Variants in TCAIM observed in about 807,000 individuals in gnomAD.
TCAIM encodes T cell activation inhibitor, mitochondrial, also known as T-cell activation inhibitor, mitochondrial.
In TCAIM, 36 loss-of-function variants were observed where a neutral mutation model predicts 58.6. The ratio of observed to expected loss-of-function variants is 0.61; its 90% CI spans 0.47 to 0.81. The LOEUF is 0.81. Ranked by LOEUF, TCAIM falls within the 30% of genes least tolerant of loss-of-function variation. The pLI is 0.00. For missense variants in TCAIM, 466 were observed against 579.6 expected (o/e 0.80, Z 2.01); for synonymous variants, 172 against 193.6 (o/e 0.89, Z 0.93).
intron 8 of TCAIM, 127 bp from the exon 9 acceptor site, chr3:44,400,228 T>A: frequency 1.4e-6 from 1 of 732,038 alleles, no homozygotes. Flanking sequence ...ATCTCTTACT[T>A]GAACTTTCCT....
At chr3:44,365,755 G>T (rs551205485) in intron 4 of TCAIM, among the ~76,000 whole-genome samples, 2 of 152,220 alleles carry the variant, frequency 1.3e-5, no homozygotes, top group African/African-American at 4.8e-5. Context: ...CCCTAGCCCC[G>T]CGTGCTTATT....
At chr3:44,350,264 GAGA>G (rs886465717) in intron 1 of TCAIM, among the ~76,000 whole-genome samples, 11 of 152,248 alleles carry the variant, frequency 7.2e-5, no homozygotes, top group African/African-American at 2.2e-4. Flanking sequence ...TCTGAGCCAG[GAGA>G]AGAAGTTTCA....
intron 10 of TCAIM, among the ~76,000 whole-genome samples, chr3:44,405,252 C>G (rs1444142348): frequency 2.0e-5 from 3 of 152,182 alleles, no homozygotes; most frequent in South Asian, 2.1e-4. Flanking sequence ...GTAACCCACT[C>G]AGATGTTTCC....
chr3:44,357,912 A>C (rs1381733693), intron 3 of TCAIM, 36 bp downstream of exon 3: 12 of 1,601,148 alleles, frequency 7.5e-6, no homozygotes, highest in Non-Finnish European at 9.4e-6. Flanking sequence ...ATTAGTGTAC[A>C]TTTCTGCTTA....
intron 5 of TCAIM, among the ~76,000 whole-genome samples, chr3:44,374,406 A>G (rs77610014): frequency 9.4e-4 from 142 of 151,848 alleles, no homozygotes; most frequent in African/African-American, 3.3e-3. Context: ...GTGTGTGTAT[A>G]TGCTGGTTCA....
intron 5 of TCAIM, among the ~76,000 whole-genome samples, chr3:44,377,817 A>G (rs1168149786): frequency 6.6e-6 from 1 of 152,206 alleles, no homozygotes; most frequent in Non-Finnish European, 1.5e-5. Flanking sequence ...TATGTTACCC[A>G]TGAAAATTAA....
intron 5 of TCAIM, among the ~76,000 whole-genome samples, chr3:44,370,771 G>A (rs1701454911): frequency 1.4e-5 from 2 of 139,660 alleles, no homozygotes; most frequent in African/African-American, 5.3e-5. Flanking sequence ...TTTGAGACAG[G>A]GTCTTACTCT....
At chr3:44,403,766 T>G (rs1702057954) in intron 10 of TCAIM, among the ~76,000 whole-genome samples, 1 of 152,194 alleles carries the variant, frequency 6.6e-6, no homozygotes, top group Non-Finnish European at 1.5e-5. Context: ...TCTCACTCCC[T>G]ACCCCAGTCC....
chr3:44,353,675 C>A (rs541904352), intron 1 of TCAIM, among the ~76,000 whole-genome samples: 48 of 152,178 alleles, frequency 3.2e-4, no homozygotes, highest in Non-Finnish European at 5.7e-4. Flanking sequence ...TGTCTGACAA[C>A]ACATGATGTT....
intron 2 of TCAIM, among the ~76,000 whole-genome samples, chr3:44,355,201 T>C (rs1701168336): frequency 6.6e-6 from 1 of 152,110 alleles, no homozygotes; most frequent in Non-Finnish European, 1.5e-5. Flanking sequence ...ATACAATGCC[T>C]CCTGGCGCAT....
At chr3:44,370,754 C>CTT (rs1331295394) in intron 5 of TCAIM, among the ~76,000 whole-genome samples, 921 of 53,552 alleles carry the variant, frequency 0.017, 5 homozygotes, top group African/African-American at 0.029. Flanking sequence ...TTCTTTCTTT[C>CTT]TTTTTTTTTG....
Position 44,361,537 on chromosome 3 carries a change from G to A in TCAIM, c.319+19G>A. The A allele has an allele frequency of 1.3e-6, 2 of 1,573,142 alleles. No homozygotes were observed. The highest frequency in any genetic ancestry group is 8.6e-7 in the Non-Finnish European group (1 of 1,163,496). On this transcript the variant is annotated intron_variant, in intron 4 of 10. Transcript: ENST00000342649. ...ACTTCCGGTACGTTTTTTATTTCTG[G>A]TGTGTCCCTTGCAAGCTTAATGTTA...
chr3:44,393,091 T>G lies in TCAIM; in HGVS notation c.695+114T>G. On this transcript the variant is annotated intron_variant, in intron 6 of 10. Transcript: ENST00000342649. ...TTTAATTGCTCTGATAACTGAGTAC[T>G]CTTCAATTATCTTTATGAACATCAT... 3 of 808,424 alleles carry G rather than the reference T, an allele frequency of 3.7e-6. No homozygotes were observed. The South Asian group carries it at 5.3e-5, about 14-fold the overall frequency. The allele number at this position is 808,424 out of a possible 1,614,324, so 50.1% of individuals were successfully genotyped here.
intron 1 of TCAIM, among the ~76,000 whole-genome samples, chr3:44,354,515 GACAAT>G (rs1002601391): frequency 2.9e-4 from 44 of 152,104 alleles, no homozygotes; most frequent in Non-Finnish European, 1.2e-4. Flanking sequence ...ATGACATCTT[GACAAT>G]ATTGAGTCTT....
intron 2 of TCAIM, among the ~76,000 whole-genome samples, chr3:44,356,108 T>C (rs1701184753): frequency 6.6e-6 from 1 of 152,250 alleles, no homozygotes; most frequent in Non-Finnish European, 1.5e-5. Context: ...CCAGATTGTT[T>C]AAAAATCACC....
chr3:44,383,488 G>A (rs550638586), intron 5 of TCAIM, among the ~76,000 whole-genome samples: 3 of 152,132 alleles, frequency 2.0e-5, no homozygotes, highest in Admixed American at 1.3e-4. Flanking sequence ...GAAGTACAAG[G>A]AGTAGTCAAA....
At position 44,369,271 on chromosome 3, in the gene TCAIM, T is replaced by C. The variant is rs562632604; in HGVS notation, c.572+1563T>C. ...CCGCGGGAGAATATTGTTGTACTTA[T>C]CTTGCGCTGTGTCTAGATGAACAAA... On this transcript the variant is annotated intron_variant, in intron 5 of 10. Coordinates refer to ENST00000342649, the MANE Select transcript of TCAIM (RefSeq NM_173826.4). Among the ~76,000 whole-genome samples, 45 of 152,290 alleles carry C rather than the reference T, an allele frequency of 3.0e-4. No individual in the cohort carries two copies. The Middle Eastern group carries it at 0.014, about 46-fold the overall frequency.
At chr3:44,353,532 A>G (rs1379224717) in intron 1 of TCAIM, among the ~76,000 whole-genome samples, 1 of 152,196 alleles carries the variant, frequency 6.6e-6, no homozygotes, top group East Asian at 1.9e-4. Flanking sequence ...ACCTGTTTGC[A>G]TTCTCCCTTC....
chr3:44,347,919 G>A (rs1575235678), intron 1 of TCAIM, among the ~76,000 whole-genome samples: 2 of 152,224 alleles, frequency 1.3e-5, no homozygotes, highest in Non-Finnish European at 2.9e-5. Context: ...CTTTGAACTG[G>A]GGGAAAGGGC....
Sources: allele counts gnomAD v4.1 joint callset (sites outside exome capture counted in the v4.1 genomes callset), GRCh38; gene constraint gnomAD v4.1.1; transcripts MANE v1.5; gene names NCBI Gene and HGNC (gene_info 2026-07-23, HGNC 2026-07-21).